The following CCDC3 variants were observed in gnomAD, a reference collection of about 807,000 sequenced individuals.
The protein encoded by CCDC3 is coiled-coil domain containing 3.
In CCDC3, 24 loss-of-function variants were observed where a neutral mutation model predicts 21.4. The ratio of observed to expected loss-of-function variants is 1.12; its 90% CI spans 0.81 to 1.58. The LOEUF is 1.58. CCDC3 is among the 40% of genes most tolerant of loss of function. The probability of loss-of-function intolerance (pLI) is 0.00; values close to 1 mark genes in which losing one functional copy is unlikely to be tolerated. For missense variants in CCDC3, 425 were observed against 360.9 expected (o/e 1.18, Z -1.44); for synonymous variants, 186 against 166.0 (o/e 1.12, Z -0.93).
intron 3 of CCDC3, among the ~76,000 whole-genome samples, chr10:13,086,687 C>A (rs2668919): frequency 8.5e-5 from 13 of 152,134 alleles, no homozygotes; most frequent in East Asian, 5.8e-4. Flanking sequence ...ACCTCGTGAC[C>A]CGCCTGCCTC....
chr10:13,002,602 A>C (rs1835873463), upstream of CCDC3, among the ~76,000 whole-genome samples: 1 of 151,912 alleles, frequency 6.6e-6, no homozygotes, highest in Non-Finnish European at 1.5e-5. Context: ...CTGGTCTCAA[A>C]CTCCTGGGCT....
intron 4 of CCDC3, among the ~76,000 whole-genome samples, chr10:13,071,404 G>A (rs1447591817): frequency 6.6e-6 from 1 of 152,216 alleles, no homozygotes; most frequent in Non-Finnish European, 1.5e-5. Flanking sequence ...GATAATGGCA[G>A]TTAAAAGACA....
At chr10:12,917,180 C>CTTCTTTTTTTTTTTTTTTTT in intron 2 of CCDC3, among the ~76,000 whole-genome samples, 1 of 58,238 alleles carries the variant, frequency 1.7e-5, no homozygotes, top group African/African-American at 6.8e-5. Flanking sequence ...ATTTCTTCTT[C>CTTCTTTTTTTTTTTTTTTTT]TTTTTTTTTT....
intron 3 of CCDC3, among the ~76,000 whole-genome samples, chr10:13,078,798 G>C (rs1041502230): frequency 5.3e-5 from 8 of 151,464 alleles, no homozygotes; most frequent in African/African-American, 1.9e-4. Context: ...CTCATAGGTG[G>C]GAACTGAACA....
At chr10:13,054,529 C>A (rs1440786831) in intron 4 of CCDC3, among the ~76,000 whole-genome samples, 1 of 152,062 alleles carries the variant, frequency 6.6e-6, no homozygotes, top group East Asian at 1.9e-4. Context: ...TCTTTGGGTA[C>A]CCCCTGGCCT....
intron 2 of CCDC3, among the ~76,000 whole-genome samples, chr10:12,947,888 C>T (rs1228177717): frequency 2.0e-5 from 3 of 152,172 alleles, no homozygotes; most frequent in Non-Finnish European, 2.9e-5. Context: ...TAGCATTGTC[C>T]CTCAGCTCAT....
chr10:13,057,600 C>T lies in CCDC3; in HGVS notation c.-269-7659G>A, dbSNP rs542951477. ...CCTCATAGAAAATTGTTTGGTTTGA[C>T]CGGGCGCGGGGGCTCACACCTGTAA... On this transcript the variant is annotated intron_variant, in intron 4 of 6. Transcript: ENST00000378839. Among the ~76,000 whole-genome samples, 4 of 152,090 alleles carry T rather than the reference C, an allele frequency of 2.6e-5. No homozygotes were observed. The South Asian group carries it at 8.3e-4, about 32-fold the overall frequency.
intron 3 of CCDC3, among the ~76,000 whole-genome samples, chr10:13,082,871 C>T (rs557482852): frequency 5.4e-4 from 82 of 152,258 alleles, no homozygotes; most frequent in African/African-American, 1.9e-3. Flanking sequence ...AAGAGTAATG[C>T]TACAAACTAA....
At chr10:13,090,192 G>A (rs1387253069) in intron 3 of CCDC3, among the ~76,000 whole-genome samples, 3 of 150,376 alleles carry the variant, frequency 2.0e-5, no homozygotes, top group African/African-American at 4.9e-5. Context: ...AGGTTCAAGC[G>A]AGTCCCCTGC....
chr10:12,906,176 A>T (rs1834168517), intron 2 of CCDC3, among the ~76,000 whole-genome samples: 1 of 152,158 alleles, frequency 6.6e-6, no homozygotes, highest in Non-Finnish European at 1.5e-5. Flanking sequence ...GAGCTGCTGA[A>T]AAAACTCCCA....
At chr10:12,998,125 C>T (rs1244380293) in intron 2 of CCDC3, among the ~76,000 whole-genome samples, 2 of 152,132 alleles carry the variant, frequency 1.3e-5, no homozygotes, top group African/African-American at 2.4e-5. Context: ...ACTCCTTATC[C>T]AACAGTAAAG....
chr10:13,096,008 T>C (rs1053451210), intron 3 of CCDC3, among the ~76,000 whole-genome samples: 2 of 152,224 alleles, frequency 1.3e-5, no homozygotes, highest in South Asian at 2.1e-4. Context: ...TATGGAGTCA[T>C]AGCATATGTA....
chr10:12,984,658 T>A (rs944290318), intron 2 of CCDC3, among the ~76,000 whole-genome samples: 1 of 152,198 alleles, frequency 6.6e-6, no homozygotes, highest in African/African-American at 2.4e-5. Context: ...AATGCCAAAC[T>A]GCTGAATGAA....
At position 13,001,270 on chromosome 10, in the gene CCDC3, G is replaced by C; in HGVS notation, c.301C>G (p.Leu101Val). Residue 101 changes from leucine (L) to valine (V), a missense_variant, in exon 1 of 3, where the codon CTC (leucine) becomes GTC (valine). By Grantham distance (32) the Leu-to-Val change is conservative (BLOSUM62 1). Transcript: ENST00000378825. ...CACGAGAAGTAGCCCAGGCCGGTGA[G>C]GTTGAGCCTGGAGCCGGCGGGCACC... ...LEVPAGSRLN[L>V]TGLGYFSCHS... is the part of the protein sequence containing the mutation. 6.2e-7 allele frequency: 1 copy of C among 1,601,484 alleles called. No homozygotes were observed. The highest frequency in any genetic ancestry group is 8.5e-7 in the Non-Finnish European group (1 of 1,175,320).
chr10:13,028,284 A>G (rs1019515435), intron 5 of CCDC3, among the ~76,000 whole-genome samples: 9 of 152,156 alleles, frequency 5.9e-5, no homozygotes, highest in Admixed American at 3.3e-4. Context: ...CCTGCCTGCC[A>G]CCATGTAAGA....
At chr10:12,938,777 T>C (rs150975218) in intron 2 of CCDC3, among the ~76,000 whole-genome samples, 10 of 152,294 alleles carry the variant, frequency 6.6e-5, no homozygotes, top group East Asian at 1.9e-4. Context: ...AAAGTAACTA[T>C]TGTAACTATT....
chr10:12,983,952 T>G (rs1835546209), intron 2 of CCDC3, among the ~76,000 whole-genome samples: 1 of 152,124 alleles, frequency 6.6e-6, no homozygotes, highest in Admixed American at 6.5e-5. Context: ...TGGTGGTGCA[T>G]GCCTGTAATC....
rs561781249 is a variant in CCDC3, at chr10:12,919,072, C to CA, written c.550-20394dup. Among the ~76,000 whole-genome samples the CA allele has an allele frequency of 3.5e-3, 537 of 151,384 alleles. 4 individuals carry two copies. The highest frequency in any genetic ancestry group is 0.012 in the African/African-American group (487 of 41,162). The stretch of plus-strand genomic sequence containing the variant: ...CCCCATCTCGAAAAACAAAACAAAA[C>CA]AAAAAAGACACCAAGTTCTAGCACC... On this transcript the variant is annotated intron_variant, in intron 2 of 2. Transcript: ENST00000378825.
At position 12,898,415 on chromosome 10, in the gene CCDC3, G is replaced by A. The variant is rs750437666; in HGVS notation, c.*1C>T. ...TGCACACCTGGCAGCCCCCAGGCCC[G>A]TTACCCCCGCAGGTAGGGGGGGCGC... is the stretch of plus-strand genomic sequence containing the variant. On this transcript the variant is annotated 3_prime_UTR_variant, in exon 3 of 3. Coordinates refer to ENST00000378825, the MANE Select transcript of CCDC3 (RefSeq NM_031455.4). 1.0e-5 allele frequency: 16 copies of A among 1,594,712 alleles called. No homozygotes were observed. The highest frequency in any genetic ancestry group is 7.8e-5 in the South Asian group (7 of 89,968).
Sources: gnomAD v4.1 joint callset for allele counts (sites outside exome capture counted in the v4.1 genomes callset) on GRCh38, gnomAD v4.1.1 for gene constraint, MANE v1.5 for transcripts, NCBI Gene and HGNC (gene_info 2026-07-23, HGNC 2026-07-21) for gene names.